Variants in HEATR4 observed in about 807,000 individuals in gnomAD.
HEATR4 encodes HEAT repeat-containing protein 4.
In HEATR4, 95 loss-of-function variants were observed where a neutral mutation model predicts 108.8. The ratio of observed to expected loss-of-function variants is 0.87; its 90% CI spans 0.74 to 1.04. The LOEUF is 1.04. Among genes scored for constraint, HEATR4 ranks in the 50% least tolerant of loss-of-function variants. The pLI is 0.00. For synonymous variants in HEATR4, 443 were observed against 459.4 expected (o/e 0.96, Z 0.46); for missense variants, 1,152 against 1,253.8 (o/e 0.92, Z 1.23).
the HEATR4 span, among the ~76,000 whole-genome samples, chr14:73,605,902 T>C: frequency 1.3e-5 from 2 of 152,090 alleles, no homozygotes; most frequent in African/African-American, 4.8e-5. Flanking sequence ...CTCCCTAAAC[T>C]GTTCCTAAGA....
the HEATR4 span, among the ~76,000 whole-genome samples, chr14:73,618,273 G>C: frequency 1.3e-5 from 2 of 152,258 alleles, no homozygotes; most frequent in South Asian, 4.1e-4. Context: ...AAGATGTTCT[G>C]CAGGGTTCTC....
chr14:73,536,882 G>C (rs547821808), intron 1 of HEATR4, among the ~76,000 whole-genome samples: 1 of 115,068 alleles, frequency 8.7e-6, no homozygotes, highest in African/African-American at 2.8e-5. Flanking sequence ...TTAGTAATGA[G>C]TGTGAATTAT....
chr14:73,587,365 T>G, the HEATR4 span, among the ~76,000 whole-genome samples: 2 of 152,026 alleles, frequency 1.3e-5, no homozygotes, highest in African/African-American at 4.8e-5. Context: ...CACTTTTTTT[T>G]TTTTTGAGAC....
chr14:73,538,942 T>A (rs1888977106), intron 1 of HEATR4, among the ~76,000 whole-genome samples: 1 of 115,308 alleles, frequency 8.7e-6, no homozygotes, highest in South Asian at 2.7e-4. Flanking sequence ...TACTCCAGCC[T>A]GGGGGACAAG....
intron 11 of HEATR4, 28 bp from the exon 12 acceptor site, chr14:73,500,758 A>T (rs1444534633): frequency 3.7e-6 from 6 of 1,600,354 alleles, no homozygotes; most frequent in Non-Finnish European, 4.3e-6. Flanking sequence ...CTTTCCTTTC[A>T]CCTCCTTAAA....
At chr14:73,499,676 T>C (rs1032484448) in intron 12 of HEATR4, among the ~76,000 whole-genome samples, 1 of 152,156 alleles carries the variant, frequency 6.6e-6, no homozygotes, top group African/African-American at 2.4e-5. Context: ...TCTACAGATC[T>C]GGGGCCATAT....
chr14:73,622,081 A>G, the HEATR4 span, among the ~76,000 whole-genome samples: 1 of 152,004 alleles, frequency 6.6e-6, no homozygotes, highest in Non-Finnish European at 1.5e-5. Context: ...ATAATTTTCT[A>G]TGATGTGAAT....
At chr14:73,500,484 A>G (rs1339858421) in intron 12 of HEATR4, 66 bp downstream of exon 12, 1 of 1,501,460 alleles carries the variant, frequency 6.7e-7, no homozygotes, top group Non-Finnish European at 9.1e-7. Flanking sequence ...TACTGTGCAC[A>G]ACCAGGGAAG....
At chr14:73,609,235 G>A in the HEATR4 span, among the ~76,000 whole-genome samples, 6 of 152,180 alleles carry the variant, frequency 3.9e-5, no homozygotes, top group African/African-American at 1.4e-4. Flanking sequence ...CTGGGTTGCT[G>A]AATAAAATGA....
At position 73,546,433 on chromosome 14, in the gene HEATR4, A is replaced by G. The variant is rs1415239244; in HGVS notation, c.-152+12318T>C. On this transcript the variant is annotated intron_variant, in intron 1 of 17. Coordinates refer to ENST00000553558, the MANE Select transcript of HEATR4 (RefSeq NM_001220484.1). ...AGTGCAGTGGCAGTAACATGATCTCAGCTCACTACAGTCTTGATCTCCAAG... is the reference window on the plus strand; with the variant it reads ...AGTGCAGTGGCAGTAACATGATCTCGGCTCACTACAGTCTTGATCTCCAAG... Among the ~76,000 whole-genome samples, 4 of 107,412 alleles carry G rather than the reference A, an allele frequency of 3.7e-5. 2 individuals are homozygous for G. Among genetic ancestry groups the G allele is most frequent in the African/African-American group, 1.2e-4 (4 of 32,700 alleles). 70.5% of individuals were successfully genotyped at this position (107,412 alleles called of 152,430 possible). A position where few individuals can be genotyped will look rare whatever the true frequency, so the allele number is the denominator to read the frequency against.
chr14:73,547,332 G>C (rs1161583366), intron 1 of HEATR4, among the ~76,000 whole-genome samples: 1 of 116,288 alleles, frequency 8.6e-6, no homozygotes, highest in Non-Finnish European at 1.9e-5. Flanking sequence ...AGAGAGCCAA[G>C]ATCGTGCCAC....
the HEATR4 span, among the ~76,000 whole-genome samples, chr14:73,603,901 T>C: frequency 1.4e-4 from 22 of 152,062 alleles, no homozygotes; most frequent in South Asian, 4.4e-3. Context: ...ACCCAGCTAA[T>C]TTTTGTATTT....
chr14:73,563,046 A>G (rs1207181052), upstream of HEATR4, among the ~76,000 whole-genome samples: 2 of 150,960 alleles, frequency 1.3e-5, no homozygotes, highest in East Asian at 3.9e-4. Context: ...CTTTGTACCC[A>G]CTCCCTGTTC....
intron 1 of HEATR4, among the ~76,000 whole-genome samples, chr14:73,540,152 T>A (rs1185846547): frequency 8.7e-5 from 1 of 11,458 alleles, no homozygotes; most frequent in South Asian, 2.5e-3. Context: ...CTAGAAGGAG[T>A]CAACATATTC....
At chr14:73,623,493 G>A in the HEATR4 span, among the ~76,000 whole-genome samples, 22 of 152,084 alleles carry the variant, frequency 1.4e-4, no homozygotes, top group East Asian at 3.7e-3. Flanking sequence ...AGACCAGCTT[G>A]AGCAAAGTAG....
At position 73,531,924 on chromosome 14, in the gene HEATR4, T is replaced by C. The variant is rs371542006; in HGVS notation, c.-151-1680A>G. Among the ~76,000 whole-genome samples, 11 of 113,724 alleles carry C rather than the reference T, an allele frequency of 9.7e-5. 3 individuals carry two copies. The East Asian group carries it at 2.2e-3, about 22-fold the overall frequency. The allele number at this position is 113,724 out of a possible 152,430, so 74.6% of individuals were successfully genotyped here. ...GCGCATGCCTGTAATCCCAGCTACT[T>C]GGGAGGCTGAGGCAGGAGAATCGCC... On this transcript the variant is annotated intron_variant, in intron 1 of 17. Transcript: ENST00000553558.
the HEATR4 span, chr14:73,595,803 T>C: frequency 9.8e-7 from 1 of 1,015,428 alleles, no homozygotes; most frequent in Non-Finnish European, 1.3e-6. Flanking sequence ...ATAAGCTTTG[T>C]CGTTAGTTTT....
chr14:73,519,168 G>A lies in HEATR4; in HGVS notation c.1070-5C>T, dbSNP rs201786498. ...GGTGGATGATCTGGACTTCATCTGT[G>A]AACAGACAAAGAAACAATGAGTCCC... is the stretch of plus-strand genomic sequence containing the variant. On this transcript the variant is annotated splice_polypyrimidine_tract_variant and splice_region_variant and intron_variant, in intron 4 of 17. Transcript: ENST00000553558. 5.7e-5 allele frequency: 91 copies of A among 1,609,392 alleles called. 1 individual carries two copies. In the East Asian group the frequency reaches 6.7e-4, roughly 12 times the overall value.
rs1271140371 is a variant in HEATR4, at chr14:73,542,835, T to C, written c.-151-12591A>G. On this transcript the variant is annotated intron_variant, in intron 1 of 17. Transcript: ENST00000553558. The stretch of plus-strand genomic sequence containing the variant: ...GGAACTGAGAAACCAGAGTAATTGA[T>C]AGATCTTCCACATGGTTATCACCAA... Among the ~76,000 whole-genome samples, 56 of 112,084 alleles carry C rather than the reference T, an allele frequency of 5.0e-4. 14 individuals are homozygous for C. Among genetic ancestry groups the C allele is most frequent in the Admixed American group, 1.8e-3 (18 of 10,006 alleles). The allele number at this position is 112,084 out of a possible 152,430, so 73.5% of individuals were successfully genotyped here. A position where few individuals can be genotyped will look rare whatever the true frequency, so the allele number is the denominator to read the frequency against.
Sources: allele counts gnomAD v4.1 joint callset (sites outside exome capture counted in the v4.1 genomes callset), GRCh38; gene constraint gnomAD v4.1.1; transcripts MANE v1.5; gene names NCBI Gene and HGNC (gene_info 2026-07-23, HGNC 2026-07-21).